The following PKM variants were observed in gnomAD, a reference collection of about 807,000 sequenced individuals.
The protein encoded by PKM is pyruvate kinase M1/2, also known as pyruvate kinase PKM.
In PKM, 18 loss-of-function variants were observed where a neutral mutation model predicts 49.8. That is an observed-to-expected ratio of 0.36 (90% confidence interval 0.25 to 0.54). The LOEUF (loss-of-function observed/expected upper bound fraction) is 0.54. Among genes scored for constraint, PKM ranks in the 20% least tolerant of loss-of-function variants. The pLI, the probability that PKM is intolerant of heterozygous loss-of-function variation, is 0.89. For missense variants in PKM, 508 were observed against 713.8 expected (o/e 0.71, Z 3.28); for synonymous variants, 239 against 261.8 (o/e 0.91, Z 0.84).
intron 3 of PKM, among the ~76,000 whole-genome samples, chr15:72,215,665 G>A (rs1017541228): frequency 6.6e-6 from 1 of 152,180 alleles, no homozygotes; most frequent in Admixed American, 6.5e-5. Flanking sequence ...ACTCGCCCTT[G>A]CCATGTTAGA....
chr15:72,226,461 C>T (rs1168930738), intron 1 of PKM, among the ~76,000 whole-genome samples: 2 of 152,114 alleles, frequency 1.3e-5, no homozygotes, highest in African/African-American at 2.4e-5. Flanking sequence ...ACCCGGGAGG[C>T]GGAGCTTGCA....
chr15:72,227,123 C>A (rs578211136), intron 1 of PKM, among the ~76,000 whole-genome samples: 1 of 152,198 alleles, frequency 6.6e-6, no homozygotes, highest in Admixed American at 6.5e-5. Flanking sequence ...GCAAGCTCCC[C>A]GCAAGTATGG....
At chr15:72,220,250 G>C (rs8192390) in intron 1 of PKM, among the ~76,000 whole-genome samples, 2 of 152,156 alleles carry the variant, frequency 1.3e-5, no homozygotes, top group Admixed American at 6.5e-5. Context: ...TAAATGCTTC[G>C]GCCAAGCAAG....
chr15:72,202,624 G>A lies in PKM; in HGVS notation c.1141-4C>T. 1 of 1,612,020 alleles carries A rather than the reference G, an allele frequency of 6.2e-7. No individual in the cohort carries two copies. Among genetic ancestry groups the A allele is most frequent in the Non-Finnish European group, 8.5e-7 (1 of 1,179,042 alleles). ...CAGCCTCTGCCTCACGGGCAATCTA[G>A]GGGAGCAACATCCGTCCAGAGGGAC... On this transcript the variant is annotated splice_region_variant and splice_polypyrimidine_tract_variant and intron_variant, in intron 8 of 10. Transcript: ENST00000335181. This position sits in a 1 kb window ranked among gnomAD's most constrained non-coding sequence, Gnocchi z 4.5.
chr15:72,202,295 GGC>G lies in PKM; in HGVS notation c.1307+157_1307+158del. On this transcript the variant is annotated intron_variant, in intron 9 of 10. Coordinates refer to ENST00000335181, the MANE Select transcript of PKM (RefSeq NM_002654.6). This position sits in a 1 kb window ranked among gnomAD's most constrained non-coding sequence, Gnocchi z 4.5. ...TAGAGTCCTTTGGGCCCAGGGAAGG[GGC>G]TCTGCTCAATCCTTCCCTGCAGGCC... 1 of 722,498 alleles carries G rather than the reference GGC, an allele frequency of 1.4e-6. No individual in the cohort carries two copies. Among genetic ancestry groups the G allele is most frequent in the South Asian group, 1.6e-5 (1 of 63,634 alleles). 44.8% of individuals were successfully genotyped at this position (722,498 alleles called of 1,614,324 possible).
intron 1 of PKM, among the ~76,000 whole-genome samples, chr15:72,220,604 G>A (rs1354041253): frequency 6.6e-6 from 1 of 152,146 alleles, no homozygotes; most frequent in Admixed American, 6.5e-5. Flanking sequence ...TCTTCATTTC[G>A]ATGTGTATTT....
At chr15:72,220,497 T>TGGAAAACTGATGGCCAC (rs1314785854) in intron 1 of PKM, among the ~76,000 whole-genome samples, 3 of 152,210 alleles carry the variant, frequency 2.0e-5, no homozygotes, top group African/African-American at 7.2e-5. Context: ...CTGTTGGCTA[T>TGGAAAACTGATGGCCAC]GGAAAACTGA....
Position 72,199,164 on chromosome 15 carries a change from A to G in PKM, c.*486T>C. ...GGACAGCTGAGTGGAGGGTGGGGACAGGTGCAAACTGGAGAGGCCTAGAGA... is the reference window on the plus strand; with the variant it reads ...GGACAGCTGAGTGGAGGGTGGGGACGGGTGCAAACTGGAGAGGCCTAGAGA... On this transcript the variant is annotated 3_prime_UTR_variant, in exon 11 of 11. Coordinates refer to ENST00000335181, the MANE Select transcript of PKM (RefSeq NM_002654.6). 1 of 336,616 alleles carries G rather than the reference A, an allele frequency of 3.0e-6. No individual in the cohort carries two copies. Among genetic ancestry groups the G allele is most frequent in the South Asian group, 2.3e-5 (1 of 42,724 alleles). 20.9% of individuals were successfully genotyped at this position (336,616 alleles called of 1,614,324 possible). A position where few individuals can be genotyped will look rare whatever the true frequency, so the allele number is the denominator to read the frequency against.
chr15:72,218,211 G>T (rs1201087976), intron 2 of PKM, among the ~76,000 whole-genome samples: 1 of 151,262 alleles, frequency 6.6e-6, no homozygotes, highest in African/African-American at 2.4e-5. Context: ...TGCAACCTCC[G>T]CCTCCCAGGT....
intron 3 of PKM, among the ~76,000 whole-genome samples, chr15:72,210,992 T>C (rs1001040747): frequency 6.6e-5 from 10 of 152,208 alleles, no homozygotes; most frequent in East Asian, 1.9e-4. Context: ...CTTGAAGTTA[T>C]TGACTTAAGC....
intron 1 of PKM, chr15:72,229,491 A>T: frequency 9.1e-7 from 1 of 1,097,612 alleles, no homozygotes; most frequent in Non-Finnish European, 1.2e-6. Flanking sequence ...GTACCAGCAA[A>T]GGTCCAAGCC....
intron 8 of PKM, chr15:72,204,520 G>A (rs956957356): frequency 2.0e-5 from 3 of 152,206 alleles, no homozygotes; most frequent in Admixed American, 6.5e-5. Flanking sequence ...GCATGATGTT[G>A]CAGGAGAGAA....
intron 3 of PKM, among the ~76,000 whole-genome samples, chr15:72,216,324 T>C (rs2082376055): frequency 6.6e-6 from 1 of 152,206 alleles, no homozygotes; most frequent in African/African-American, 2.4e-5. Flanking sequence ...TATGGTTAAG[T>C]CTGAAGGTTT....
chr15:72,202,531 T>C lies in PKM; in HGVS notation c.1230A>G (p.Glu410=). Residue 410 remains glutamate (E), a synonymous_variant, in exon 9 of 11, where the codon GAA becomes GAG. Transcript: ENST00000335181. This position sits in a 1 kb window ranked among gnomAD's most constrained non-coding sequence, Gnocchi z 4.5. The stretch of plus-strand genomic sequence containing the variant: ...CCTCCACGGCACCCACGGCGGTGGC[T>C]TCTGTGGGGTCGCTGGTAATGGGCG... ...RLAPITSDPT[E]ATAVGAVEAS... 1 of 1,613,582 alleles carries C rather than the reference T, an allele frequency of 6.2e-7. No homozygotes were observed. The highest frequency in any genetic ancestry group is 8.5e-7 in the Non-Finnish European group (1 of 1,179,880).
chr15:72,223,320 A>T (rs1322068531), intron 1 of PKM, among the ~76,000 whole-genome samples: 3 of 152,138 alleles, frequency 2.0e-5, no homozygotes, highest in African/African-American at 7.2e-5. Flanking sequence ...CATCTGCCTA[A>T]GTCATTTTTC....
chr15:72,229,466 G>GCCTCACTTTAA (rs1446159704), intron 1 of PKM: 1 of 811,954 alleles, frequency 1.2e-6, no homozygotes, highest in Non-Finnish European at 1.8e-6. Context: ...TTCACTGTCG[G>GCCTCACTTTAA]CCTCACTTTA....
At chr15:72,215,644 T>C (rs2082360839) in intron 3 of PKM, among the ~76,000 whole-genome samples, 2 of 152,194 alleles carry the variant, frequency 1.3e-5, no homozygotes. Context: ...CCAGCAGGTG[T>C]GGCAGGTATC....
intron 1 of PKM, among the ~76,000 whole-genome samples, chr15:72,225,581 T>TA (rs1389223712): frequency 6.6e-6 from 1 of 152,296 alleles, no homozygotes; most frequent in East Asian, 1.9e-4. Flanking sequence ...CTGAACCCTA[T>TA]AATATTGTGG....
At chr15:72,217,362 T>A in intron 3 of PKM, 47 bp downstream of exon 3, 2 of 1,143,278 alleles carry the variant, frequency 1.7e-6, no homozygotes, top group Non-Finnish European at 2.7e-6. Flanking sequence ...CCCCTCCCTG[T>A]TTCCTACAGG....
Sources: allele counts gnomAD v4.1 joint callset (sites outside exome capture counted in the v4.1 genomes callset), GRCh38; gene constraint gnomAD v4.1.1; non-coding constraint Gnocchi (gnomAD v3.1); transcripts MANE v1.5; gene names NCBI Gene and HGNC (gene_info 2026-07-23, HGNC 2026-07-21).